ARMC8: variants seen among roughly 807,000 people sequenced by gnomAD.
The protein encoded by ARMC8 is armadillo repeat containing 8, also known as armadillo repeat-containing protein 8.
Under a neutral mutation model 99.3 loss-of-function variants are expected in ARMC8, and 20 were observed. The observed-to-expected ratio is 0.20, with a 90% CI of 0.14 to 0.29. ARMC8 has a LOEUF of 0.29. Ranked by LOEUF, ARMC8 falls within the 10% of genes least tolerant of loss-of-function variation. The probability of loss-of-function intolerance (pLI) is 1.00; values close to 1 mark genes in which losing one functional copy is unlikely to be tolerated. For missense variants in ARMC8, 569 were observed against 809.5 expected (o/e 0.70, Z 3.60); for synonymous variants, 263 against 278.3 (o/e 0.95, Z 0.55).
intron 12 of ARMC8, among the ~76,000 whole-genome samples, chr3:138,256,500 T>A (rs903050462): frequency 3.6e-5 from 5 of 138,486 alleles, no homozygotes; most frequent in Non-Finnish European, 7.6e-5. Context: ...AAGCTCCGCC[T>A]CCTGGGTTCA....
chr3:138,231,646 G>A (rs548485974), intron 6 of ARMC8, among the ~76,000 whole-genome samples: 7 of 152,092 alleles, frequency 4.6e-5, no homozygotes, highest in African/African-American at 7.2e-5. Flanking sequence ...GCCAGGTGTG[G>A]TGGCTCATGC....
intron 12 of ARMC8, chr3:138,263,461 G>T (rs769747744): frequency 2.3e-6 from 1 of 427,254 alleles, no homozygotes; most frequent in Non-Finnish European, 4.3e-6. Flanking sequence ...CACCTCTGCA[G>T]TACTTATACC....
At chr3:138,241,004 C>T (rs928998430) in intron 10 of ARMC8, among the ~76,000 whole-genome samples, 5 of 151,998 alleles carry the variant, frequency 3.3e-5, no homozygotes, top group Admixed American at 6.6e-5. Flanking sequence ...GAGCCGAGAT[C>T]GTGCCATTGC....
intron 16 of ARMC8, among the ~76,000 whole-genome samples, chr3:138,271,107 A>G (rs907032471): frequency 6.6e-6 from 1 of 152,152 alleles, no homozygotes; most frequent in Non-Finnish European, 1.5e-5. Flanking sequence ...GTTCCATGCT[A>G]TATCTGCTGT....
At chr3:138,257,726 A>T (rs1256582055) in intron 12 of ARMC8, among the ~76,000 whole-genome samples, 1 of 152,210 alleles carries the variant, frequency 6.6e-6, no homozygotes, top group Non-Finnish European at 1.5e-5. Flanking sequence ...TGGTCCTGCT[A>T]GGAAAGACTC....
intron 14 of ARMC8, among the ~76,000 whole-genome samples, chr3:138,266,405 T>G (rs2048290015): frequency 6.6e-6 from 1 of 152,122 alleles, no homozygotes; most frequent in Non-Finnish European, 1.5e-5. Flanking sequence ...TCCAAAACTG[T>G]TGGGGCCAGA....
At position 138,187,413 on chromosome 3, in the gene ARMC8, C is replaced by T. The variant is rs528404694; in HGVS notation, c.-142C>T. 2.6e-6 allele frequency: 2 copies of T among 769,294 alleles called. No homozygotes were observed. The highest frequency in any genetic ancestry group is 4.2e-6 in the Non-Finnish European group (2 of 476,646). The allele number at this position is 769,294 out of a possible 1,614,324, so 47.7% of individuals were successfully genotyped here. On this transcript the variant is annotated 5_prime_UTR_variant, in exon 1 of 22. Coordinates refer to ENST00000469044, the MANE Select transcript of ARMC8 (RefSeq NM_001363941.2). ...CTTCTTTCTGCGGGCCTTTCCGGTA[C>T]TTGAGCGGTGTCCAGAGCGTGGCCA... is the stretch of plus-strand genomic sequence containing the variant.
At chr3:138,265,257 TC>T (rs967971226) in intron 14 of ARMC8, among the ~76,000 whole-genome samples, 7 of 151,374 alleles carry the variant, frequency 4.6e-5, no homozygotes, top group Admixed American at 1.3e-4. Context: ...GCCCCTTTTG[TC>T]CCCCCCAAAA....
rs570983460 is a variant in ARMC8, at chr3:138,231,006, G to A, written c.528+1996G>A. Among the ~76,000 whole-genome samples, 85 of 152,246 alleles carry A rather than the reference G, an allele frequency of 5.6e-4. 2 individuals are homozygous for A. In the South Asian group the frequency reaches 0.017, roughly 30 times the overall value. ...GCCAGCCTCATACCACTGACAGAATGGAAGATGTTATCAGAGAAAGTCACC... is the reference window on the plus strand; with the variant it reads ...GCCAGCCTCATACCACTGACAGAATAGAAGATGTTATCAGAGAAAGTCACC... On this transcript the variant is annotated intron_variant, in intron 6 of 21. Coordinates refer to ENST00000469044, the MANE Select transcript of ARMC8 (RefSeq NM_001363941.2).
intron 18 of ARMC8, among the ~76,000 whole-genome samples, chr3:138,275,784 A>T (rs2049231957): frequency 6.6e-6 from 1 of 152,172 alleles, no homozygotes; most frequent in Admixed American, 6.5e-5. Flanking sequence ...GTGAGCAAAA[A>T]GTTGGTAGGT....
chr3:138,221,842 A>G, intron 2 of ARMC8, 84 bp from the exon 3 acceptor site: 2 of 1,056,034 alleles, frequency 1.9e-6, no homozygotes, highest in Non-Finnish European at 2.9e-6. Flanking sequence ...CAAATCTAAG[A>G]TATTGCATAA....
Position 138,255,310 on chromosome 3 carries a change from C to T in ARMC8, c.1135-8429C>T, listed in dbSNP as rs993238738. On this transcript the variant is annotated intron_variant, in intron 12 of 21. Transcript: ENST00000469044. ...CTCCACCTCCCGGGCTCAGGCCATT[C>T]TCCTGCCTCAGCCTCCCAAGTAGCT... 2.0e-5 allele frequency among the ~76,000 whole-genome samples: 3 copies of T among 149,624 alleles called. No individual in the cohort carries two copies. In the South Asian group the frequency reaches 6.4e-4, roughly 32 times the overall value.
intron 14 of ARMC8, 44 bp downstream of exon 14, chr3:138,264,256 C>T: frequency 1.3e-6 from 2 of 1,490,962 alleles, no homozygotes; most frequent in Non-Finnish European, 1.9e-6. Context: ...CTCACAGACC[C>T]TAGAGTGAGC....
At chr3:138,260,262 AAAC>A (rs930756892) in intron 12 of ARMC8, among the ~76,000 whole-genome samples, 4 of 152,180 alleles carry the variant, frequency 2.6e-5, no homozygotes, top group African/African-American at 9.7e-5. Context: ...AGTTCCTTCT[AAAC>A]AACATGGTAG....
chr3:138,194,349 T>C (rs979465815), intron 1 of ARMC8, among the ~76,000 whole-genome samples: 1 of 139,820 alleles, frequency 7.2e-6, no homozygotes. Context: ...AGCTTTTTTT[T>C]TTTTTTTTTT....
At chr3:138,203,783 A>C (rs941805830) in intron 1 of ARMC8, among the ~76,000 whole-genome samples, 1 of 152,342 alleles carries the variant, frequency 6.6e-6, no homozygotes, top group Non-Finnish European at 1.5e-5. Flanking sequence ...ACTTTTCCAC[A>C]ATGGAATACA....
chr3:138,278,023 G>A lies in ARMC8; in HGVS notation c.1725+3479G>A, dbSNP rs561772188. On this transcript the variant is annotated intron_variant, in intron 18 of 21. Coordinates refer to ENST00000469044, the MANE Select transcript of ARMC8 (RefSeq NM_001363941.2). ...CAATACAAAAGGCAAGATACTATAT[G>A]ATCCCATCTATATGACCATCTGTAA... 3.3e-5 allele frequency among the ~76,000 whole-genome samples: 5 copies of A among 152,274 alleles called. No individual in the cohort carries two copies. The South Asian group carries it at 1.0e-3, about 32-fold the overall frequency.
intron 12 of ARMC8, among the ~76,000 whole-genome samples, chr3:138,258,790 T>C (rs2047525198): frequency 1.3e-5 from 2 of 152,184 alleles, no homozygotes; most frequent in African/African-American, 4.8e-5. Context: ...ATGCAACATT[T>C]TTTGTGTTAC....
At chr3:138,262,447 C>A in intron 12 of ARMC8, 1 of 1,401,882 alleles carries the variant, frequency 7.1e-7, no homozygotes, top group Non-Finnish European at 9.9e-7. Flanking sequence ...TTGTTAATTT[C>A]AACAATATTT....
Sources: allele counts gnomAD v4.1 joint callset (sites outside exome capture counted in the v4.1 genomes callset), GRCh38; gene constraint gnomAD v4.1.1; transcripts MANE v1.5; gene names NCBI Gene and HGNC (gene_info 2026-07-23, HGNC 2026-07-21).